The following SMG6 variants were observed in gnomAD, a reference collection of about 807,000 sequenced individuals.
The protein encoded by SMG6 is SMG6 nonsense mediated mRNA decay factor.
SMG6 carries 66 observed loss-of-function variants against 142.2 expected under a neutral mutation model. The observed-to-expected ratio is 0.46, with a 90% confidence interval of 0.38 to 0.57. The LOEUF (loss-of-function observed/expected upper bound fraction) is 0.57. SMG6 is among the 20% of genes least tolerant of loss of function. The probability of loss-of-function intolerance (pLI) is 0.00; values close to 1 mark genes in which losing one functional copy is unlikely to be tolerated. For synonymous variants in SMG6, 779 were observed against 702.4 expected (o/e 1.11, Z -1.72); for missense variants, 1,793 against 1,832.0 (o/e 0.98, Z 0.39).
At chr17:2,226,755 C>T (rs770187575) in intron 10 of SMG6, among the ~76,000 whole-genome samples, 9 of 151,450 alleles carry the variant, frequency 5.9e-5, no homozygotes, top group Non-Finnish European at 8.8e-5. Flanking sequence ...ATTAGCCAGG[C>T]GTGGTGGTGA....
At chr17:2,262,307 CATAAA>C (rs2074333925) in intron 8 of SMG6, among the ~76,000 whole-genome samples, 1 of 152,180 alleles carries the variant, frequency 6.6e-6, no homozygotes, top group Non-Finnish European at 1.5e-5. Flanking sequence ...TTTGCTAATA[CATAAA>C]ATAAAGCAGA....
intron 10 of SMG6, among the ~76,000 whole-genome samples, chr17:2,220,790 T>C (rs892274976): frequency 3.3e-5 from 5 of 152,208 alleles, no homozygotes; most frequent in African/African-American, 1.2e-4. Context: ...GAATCAAACA[T>C]TGTATAGTCA....
At chr17:2,187,213 T>A (rs11867782) in intron 11 of SMG6, among the ~76,000 whole-genome samples, 2 of 152,032 alleles carry the variant, frequency 1.3e-5, no homozygotes, top group Non-Finnish European at 1.5e-5. Flanking sequence ...TGTGGGACAC[T>A]GTGCAAATGC....
intron 13 of SMG6, among the ~76,000 whole-genome samples, chr17:2,115,504 C>T (rs910134153): frequency 6.6e-6 from 1 of 151,958 alleles, no homozygotes; most frequent in African/African-American, 2.4e-5. Context: ...ATAAATAGAC[C>T]TTTGGGGAAG....
At chr17:2,139,425 CTTTTT>C in intron 13 of SMG6, among the ~76,000 whole-genome samples, 1 of 139,248 alleles carries the variant, frequency 7.2e-6, no homozygotes, top group Non-Finnish European at 1.5e-5. Context: ...CTGCTTTTTT[CTTTTT>C]TTTTTTTTTG....
chr17:2,086,177 AT>A (rs1395642562), intron 13 of SMG6, among the ~76,000 whole-genome samples: 1 of 152,148 alleles, frequency 6.6e-6, no homozygotes, highest in Non-Finnish European at 1.5e-5. Flanking sequence ...GGTGCCTTAC[AT>A]TTATTTGAGT....
chr17:2,074,078 C>T (rs2068190419), intron 15 of SMG6, among the ~76,000 whole-genome samples: 1 of 151,994 alleles, frequency 6.6e-6, no homozygotes, highest in African/African-American at 2.4e-5. Flanking sequence ...AGCAAAACTC[C>T]ATCTCAAAAA....
At chr17:2,226,222 C>G (rs976755397) in intron 10 of SMG6, among the ~76,000 whole-genome samples, 1 of 151,048 alleles carries the variant, frequency 6.6e-6, no homozygotes, top group African/African-American at 2.4e-5. Context: ...TTGCAGTGAG[C>G]CAAGATCATG....
At chr17:2,257,341 G>C (rs953762563) in intron 8 of SMG6, among the ~76,000 whole-genome samples, 19 of 152,082 alleles carry the variant, frequency 1.2e-4, no homozygotes, top group Admixed American at 3.9e-4. Flanking sequence ...ACCTCCCAAA[G>C]TGTTGGGATT....
intron 13 of SMG6, among the ~76,000 whole-genome samples, chr17:2,172,125 C>T (rs1056129372): frequency 2.0e-5 from 3 of 152,240 alleles, no homozygotes; most frequent in Admixed American, 1.3e-4. Flanking sequence ...CAGGTTAAAA[C>T]GCAGTCCTCA....
chr17:2,088,810 C>T lies in SMG6; in HGVS notation c.3358-2909G>A, dbSNP rs2068635797. 4 of 985,294 alleles carry T rather than the reference C, an allele frequency of 4.1e-6. No homozygotes were observed. The Admixed American group carries it at 1.8e-4, about 45-fold the overall frequency. The allele number at this position is 985,294 out of a possible 1,614,324, so 61.0% of individuals were successfully genotyped here. A position where few individuals can be genotyped will look rare whatever the true frequency, so the allele number is the denominator to read the frequency against. On this transcript the variant is annotated intron_variant, in intron 13 of 18. Transcript: ENST00000263073. ...AAACCTTCTGTCTGTAGCTCACTGG[C>T]CTGTCTGCAAAAGCATTCTGTCTTA...
At chr17:2,285,605 G>C (rs1334071562) in intron 6 of SMG6, among the ~76,000 whole-genome samples, 5 of 152,178 alleles carry the variant, frequency 3.3e-5, no homozygotes, top group Non-Finnish European at 7.3e-5. Flanking sequence ...TTAGGAGGCA[G>C]AGGGAGGAGG....
intron 13 of SMG6, chr17:2,101,272 T>C (rs956178945): frequency 6.6e-6 from 1 of 151,772 alleles, no homozygotes; most frequent in South Asian, 2.1e-4. Flanking sequence ...AATTTTTGAA[T>C]TTTTATTTTT....
intron 18 of SMG6, chr17:2,062,328 G>A (rs1252121991): frequency 6.6e-6 from 1 of 152,248 alleles, no homozygotes; most frequent in Non-Finnish European, 1.5e-5. Flanking sequence ...TTGTACCCCA[G>A]GGAAGACCTG....
intron 8 of SMG6, among the ~76,000 whole-genome samples, chr17:2,279,157 T>C (rs1000570788): frequency 1.3e-5 from 2 of 152,166 alleles, no homozygotes; most frequent in Non-Finnish European, 1.5e-5. Flanking sequence ...AACGTGACAT[T>C]TAGGCTGAGA....
At chr17:2,171,381 G>A (rs1408726521) in intron 13 of SMG6, among the ~76,000 whole-genome samples, 2 of 147,666 alleles carry the variant, frequency 1.4e-5, no homozygotes, top group Non-Finnish European at 3.0e-5. Flanking sequence ...GTGTGTGTGT[G>A]TACTATAAAT....
chr17:2,088,484 G>C, intron 13 of SMG6: 1 of 985,440 alleles, frequency 1.0e-6, no homozygotes, highest in Non-Finnish European at 1.2e-6. Flanking sequence ...GATTGTGTCT[G>C]TCATAGCTAT....
At chr17:2,143,988 A>C (rs1420401833) in intron 13 of SMG6, among the ~76,000 whole-genome samples, 1 of 150,598 alleles carries the variant, frequency 6.6e-6, no homozygotes, top group Non-Finnish European at 1.5e-5. Flanking sequence ...CCTGGACTTA[A>C]GGGATCCTCC....
Position 2,181,752 on chromosome 17 carries a change from T to A in SMG6, c.3155+4911A>T, listed in dbSNP as rs533703344. 6.6e-5 allele frequency among the ~76,000 whole-genome samples: 10 copies of A among 152,368 alleles called. No homozygotes were observed. The South Asian group carries it at 2.1e-3, about 32-fold the overall frequency. Reference sequence around the variant, plus strand: ...TTGGACCACGTGCCTGCCTGTAGATTGAGCCCTTGCCCAAAGATGGGCAGC... The same window carrying A: ...TTGGACCACGTGCCTGCCTGTAGATAGAGCCCTTGCCCAAAGATGGGCAGC... On this transcript the variant is annotated intron_variant, in intron 12 of 18. Transcript: ENST00000263073.
Sources: gnomAD v4.1 joint callset for allele counts (sites outside exome capture counted in the v4.1 genomes callset) on GRCh38, gnomAD v4.1.1 for gene constraint, MANE v1.5 for transcripts, NCBI Gene and HGNC (gene_info 2026-07-23, HGNC 2026-07-21) for gene names.